Variants in TRPC5 observed in about 807,000 individuals in gnomAD.
TRPC5 encodes short transient receptor potential channel 5.
A neutral mutation model predicts 56.5 loss-of-function variants in TRPC5; 9 were observed. That is an observed-to-expected ratio of 0.16 (90% CI 0.10 to 0.28). The LOEUF is 0.28. Among genes scored for constraint, TRPC5 ranks in the 10% least tolerant of loss-of-function variants. The pLI is 1.00. For missense variants in TRPC5, 469 were observed against 748.9 expected, an observed-to-expected ratio of 0.63 and a Z score of 4.36; for synonymous variants, 282 against 278.5, an observed-to-expected ratio of 1.01 and a Z score of -0.13.
At chrX:111,978,508 C>T (rs1053082490) in intron 1 of TRPC5, among the ~76,000 whole-genome samples, 1 of 111,099 alleles carries the variant, frequency 9.0e-6, no homozygotes, top group Non-Finnish European at 1.9e-5. Context: ...TAAGCATACA[C>T]GTACCGTATG....
chrX:111,992,588 CATTATTATTATT>C (rs534660293), intron 1 of TRPC5, among the ~76,000 whole-genome samples: 2 of 104,979 alleles, frequency 1.9e-5, no homozygotes, highest in African/African-American at 7.2e-5. Flanking sequence ...TTTTTTAAAA[CATTATTATTATT>C]ATTATTATTA....
chrX:111,936,274 G>A (rs1350615979), intron 2 of TRPC5, among the ~76,000 whole-genome samples: 1 of 111,167 alleles, frequency 9.0e-6, no homozygotes, highest in Admixed American at 9.6e-5. Context: ...CATACAGAAA[G>A]GTTAATGACT....
At chrX:111,894,964 G>A (rs1337275373) in intron 3 of TRPC5, among the ~76,000 whole-genome samples, 2 of 110,318 alleles carry the variant, frequency 1.8e-5, no homozygotes, top group East Asian at 5.7e-4. Flanking sequence ...GTAGTGATAT[G>A]GTAGCTAATT....
chrX:111,812,065 A>AT (rs893002306), intron 7 of TRPC5, among the ~76,000 whole-genome samples: 2 of 110,277 alleles, frequency 1.8e-5, no homozygotes, highest in African/African-American at 3.3e-5. Flanking sequence ...GTATTCAGCC[A>AT]TTTTTTTAAT....
chrX:111,978,920 C>T (rs1168878088), intron 1 of TRPC5, among the ~76,000 whole-genome samples: 1 of 111,280 alleles, frequency 9.0e-6, no homozygotes, highest in Non-Finnish European at 1.9e-5. Flanking sequence ...AGACCCGCAG[C>T]TAACATCATA....
intron 7 of TRPC5, among the ~76,000 whole-genome samples, chrX:111,819,547 G>C (rs777759657): frequency 3.0e-4 from 33 of 111,409 alleles, no homozygotes; most frequent in African/African-American, 1.0e-3. Context: ...GCAGTTTTCA[G>C]AAATAACTGG....
rs935858509 is a variant in TRPC5 at position 112,060,050 on chromosome X, C to T, written c.-22+21829G>A. Among the ~76,000 whole-genome samples the T allele has an allele frequency of 2.7e-5, 3 of 111,914 alleles. No homozygotes were observed. In the Admixed American group the frequency reaches 2.8e-4, roughly 11 times the overall value. On this transcript the variant is annotated intron_variant, in intron 1 of 10. Coordinates refer to ENST00000262839, the MANE Select transcript of TRPC5 (RefSeq NM_012471.3). ...CATCCCTCTTTCCTTTGAGTTTTAA[C>T]CAGAGATAGAAAACTAGGTGCCAGA...
intron 7 of TRPC5, among the ~76,000 whole-genome samples, chrX:111,790,378 G>A (rs1380145506): frequency 9.0e-6 from 1 of 110,656 alleles, no homozygotes; most frequent in Non-Finnish European, 1.9e-5. Flanking sequence ...TTGGACACAG[G>A]GCAGGGAACA....
intron 1 of TRPC5, among the ~76,000 whole-genome samples, chrX:111,974,325 G>A (rs191402411): frequency 6.3e-5 from 7 of 111,151 alleles, no homozygotes; most frequent in Non-Finnish European, 9.4e-5. Flanking sequence ...GATCACAGGA[G>A]AGGGTAATGG....
intron 1 of TRPC5, among the ~76,000 whole-genome samples, chrX:112,075,335 A>G (rs1400266212): frequency 1.8e-5 from 2 of 112,115 alleles, no homozygotes; most frequent in East Asian, 5.6e-4. Flanking sequence ...AATGTTAAAC[A>G]TACCAGTTAA....
intron 3 of TRPC5, among the ~76,000 whole-genome samples, chrX:111,908,461 C>G (rs772753779): frequency 3.6e-5 from 4 of 111,149 alleles, no homozygotes; most frequent in Non-Finnish European, 7.5e-5. Flanking sequence ...ATTCTGAAGT[C>G]TCTGGCTATG....
chrX:112,014,543 A>G (rs1041728311), intron 1 of TRPC5, among the ~76,000 whole-genome samples: 1 of 112,042 alleles, frequency 8.9e-6, no homozygotes, highest in Non-Finnish European at 1.9e-5. Context: ...TCCTTATTCT[A>G]ATTCCTTCCC....
At chrX:112,066,121 C>T (rs73550153) in intron 1 of TRPC5, among the ~76,000 whole-genome samples, 9,670 of 105,589 alleles carry the variant, frequency 0.092, 1,054 homozygotes, top group African/African-American at 0.31. Context: ...CCTTCAAGTC[C>T]CAGCTCTTAT....
At chrX:111,843,106 T>TA (rs1440586629) in intron 6 of TRPC5, among the ~76,000 whole-genome samples, 1 of 112,590 alleles carries the variant, frequency 8.9e-6, no homozygotes, top group African/African-American at 3.2e-5. Flanking sequence ...CTTTCTCTAT[T>TA]ATTTCTTCCG....
chrX:111,917,902 T>G (rs1296408761), intron 2 of TRPC5, among the ~76,000 whole-genome samples: 7 of 112,925 alleles, frequency 6.2e-5, no homozygotes, highest in African/African-American at 1.6e-4. Flanking sequence ...AATTGCAGCT[T>G]CTTCTGCACC....
intron 1 of TRPC5, among the ~76,000 whole-genome samples, chrX:112,050,748 GA>G (rs1256183740): frequency 1.8e-5 from 2 of 111,447 alleles, no homozygotes; most frequent in African/African-American, 6.5e-5. Context: ...GGAAAGAGTG[GA>G]AAAAACATTA....
chrX:111,933,737 T>G (rs1418531847), intron 2 of TRPC5, among the ~76,000 whole-genome samples: 1 of 111,725 alleles, frequency 9.0e-6, no homozygotes, highest in Non-Finnish European at 1.9e-5. Flanking sequence ...CAAGCATCAC[T>G]GTTTTAAGTC....
intron 6 of TRPC5, among the ~76,000 whole-genome samples, chrX:111,846,245 G>T (rs1922923026): frequency 9.0e-6 from 1 of 111,474 alleles, no homozygotes; most frequent in South Asian, 3.8e-4. Flanking sequence ...TCATTGCTAT[G>T]AATATCCAGT....
chrX:112,048,479 A>G (rs1218480610), intron 1 of TRPC5, among the ~76,000 whole-genome samples: 1 of 109,600 alleles, frequency 9.1e-6, no homozygotes, highest in Non-Finnish European at 1.9e-5. Context: ...ATCTGACATA[A>G]TTTGGGGGAA....
Sources: gnomAD v4.1 joint callset for allele counts (sites outside exome capture counted in the v4.1 genomes callset) on GRCh38, gnomAD v4.1.1 for gene constraint, MANE v1.5 for transcripts, NCBI Gene and HGNC (gene_info 2026-07-23, HGNC 2026-07-21) for gene names.